Variants in DCC observed in about 807,000 individuals in gnomAD.
DCC encodes the protein netrin receptor DCC.
Under a neutral mutation model 172.5 loss-of-function variants are expected in DCC, and 58 were observed. That is an observed-to-expected ratio of 0.34 (90% CI 0.27 to 0.42). DCC has a LOEUF of 0.42. DCC is among the 10% of genes least tolerant of loss of function. DCC has a pLI of 1.00. For synonymous variants in DCC, 709 were observed against 644.5 expected (o/e 1.10, Z -1.52); for missense variants, 1,740 against 1,791.0 (o/e 0.97, Z 0.51).
chr18:52,565,693 T>C (rs12970960), intron 1 of DCC, among the ~76,000 whole-genome samples: 6 of 152,336 alleles, frequency 3.9e-5, no homozygotes, highest in Non-Finnish European at 8.8e-5. Flanking sequence ...GGGTTGTTTT[T>C]TTCTTGTAAA....
intron 2 of DCC, among the ~76,000 whole-genome samples, chr18:52,794,426 C>T (rs561341499): frequency 3.3e-5 from 5 of 151,902 alleles, no homozygotes; most frequent in East Asian, 3.9e-4. Flanking sequence ...AATGAGATCA[C>T]GTCCTTCATT....
chr18:52,427,474 C>A lies in DCC; in HGVS notation c.91+86596C>A, dbSNP rs117728843. 1.8e-3 allele frequency among the ~76,000 whole-genome samples: 281 copies of A among 152,030 alleles called. 6 individuals are homozygous for A. In the East Asian group the frequency reaches 0.045, roughly 24 times the overall value. On this transcript the variant is annotated intron_variant, in intron 1 of 28. Transcript: ENST00000442544. Reference sequence around the variant, plus strand: ...AATTCAGATTTGGATCAGTTATACCCAACAAGATGTCAGGTTTGCACAGTG... The same window carrying A: ...AATTCAGATTTGGATCAGTTATACCAAACAAGATGTCAGGTTTGCACAGTG...
At chr18:53,222,409 G>C (rs1185987630) in intron 12 of DCC, among the ~76,000 whole-genome samples, 1 of 124,878 alleles carries the variant, frequency 8.0e-6, no homozygotes, top group Non-Finnish European at 1.6e-5. Context: ...TTTTGAAATG[G>C]AGTCTTGCTC....
chr18:52,976,896 G>A (rs1217586547), intron 5 of DCC, among the ~76,000 whole-genome samples: 3 of 152,126 alleles, frequency 2.0e-5, no homozygotes, highest in Non-Finnish European at 2.9e-5. Context: ...CCTGTAAAAT[G>A]AGATATAATG....
At chr18:53,382,762 C>T (rs951943046) in intron 15 of DCC, among the ~76,000 whole-genome samples, 2 of 152,064 alleles carry the variant, frequency 1.3e-5, no homozygotes. Flanking sequence ...GGAGGGAAAG[C>T]AATTCACTGA....
chr18:52,736,673 C>G (rs1025356390), intron 1 of DCC, among the ~76,000 whole-genome samples: 2 of 152,070 alleles, frequency 1.3e-5, no homozygotes, highest in African/African-American at 4.8e-5. Flanking sequence ...AATCCTAGTA[C>G]ATATTATACA....
intron 15 of DCC, among the ~76,000 whole-genome samples, chr18:53,360,332 T>C (rs1457702187): frequency 6.6e-6 from 1 of 152,172 alleles, no homozygotes; most frequent in African/African-American, 2.4e-5. Context: ...ACATTATCAG[T>C]TAATCAGATA....
intron 21 of DCC, among the ~76,000 whole-genome samples, chr18:53,422,166 T>A (rs1405746462): frequency 6.6e-6 from 1 of 152,132 alleles, no homozygotes. Flanking sequence ...ATTCTAAGAT[T>A]CCACATCTTA....
At chr18:53,156,059 A>G (rs1245998704) in intron 7 of DCC, among the ~76,000 whole-genome samples, 1 of 152,226 alleles carries the variant, frequency 6.6e-6, no homozygotes, top group Non-Finnish European at 1.5e-5. Flanking sequence ...ATGTTATAGA[A>G]TATTGAGGTC....
chr18:53,160,136 C>G (rs2054812554), intron 8 of DCC, among the ~76,000 whole-genome samples: 1 of 151,948 alleles, frequency 6.6e-6, no homozygotes. Context: ...TTTGTCCTTT[C>G]CTCTTCTCTT....
At chr18:52,759,147 A>T (rs1251581880) in intron 2 of DCC, 1 of 152,168 alleles carries the variant, frequency 6.6e-6, no homozygotes, top group Non-Finnish European at 1.5e-5. Flanking sequence ...GCTAAATCAA[A>T]TTGAGATACA....
chr18:52,656,548 C>T (rs1368548068), intron 1 of DCC, among the ~76,000 whole-genome samples: 3 of 152,094 alleles, frequency 2.0e-5, no homozygotes, highest in Non-Finnish European at 4.4e-5. Context: ...ATTCTACTTA[C>T]ATGTTGCCCA....
At chr18:53,433,760 C>T (rs1251023950) in intron 21 of DCC, among the ~76,000 whole-genome samples, 2 of 152,150 alleles carry the variant, frequency 1.3e-5, no homozygotes, top group Admixed American at 6.6e-5. Flanking sequence ...GATTGTTCCT[C>T]TCACCACCAC....
chr18:53,227,923 TCACA>T (rs1236749640), intron 12 of DCC, among the ~76,000 whole-genome samples: 1 of 152,174 alleles, frequency 6.6e-6, no homozygotes, highest in Non-Finnish European at 1.5e-5. Context: ...TTGAAGAGAC[TCACA>T]CAAAAGGGAT....
At chr18:52,469,469 T>C (rs543789299) in intron 1 of DCC, among the ~76,000 whole-genome samples, 106 of 152,334 alleles carry the variant, frequency 7.0e-4, no homozygotes, top group African/African-American at 2.4e-3. Flanking sequence ...GAGGCATTTA[T>C]ATATATGTTT....
intron 7 of DCC, among the ~76,000 whole-genome samples, chr18:53,124,935 A>C (rs538879832): frequency 6.6e-6 from 1 of 151,676 alleles, no homozygotes; most frequent in Non-Finnish European, 1.5e-5. Flanking sequence ...TTGCCACTGC[A>C]CTCTAGCCTG....
At chr18:52,950,916 T>C (rs1217579293) in intron 5 of DCC, among the ~76,000 whole-genome samples, 4 of 100,800 alleles carry the variant, frequency 4.0e-5, no homozygotes, top group Non-Finnish European at 5.4e-5. Context: ...GGCGACAGAG[T>C]GAGACTCCGT....
chr18:53,044,860 C>T (rs1002201630), intron 5 of DCC, among the ~76,000 whole-genome samples: 5 of 151,654 alleles, frequency 3.3e-5, no homozygotes, highest in Non-Finnish European at 5.9e-5. Context: ...GGCATGTCAA[C>T]GAGTGCAAAA....
chr18:52,768,527 G>T (rs933958318), intron 2 of DCC, among the ~76,000 whole-genome samples: 1 of 152,112 alleles, frequency 6.6e-6, no homozygotes, highest in Non-Finnish European at 1.5e-5. Context: ...GCTATCCAAG[G>T]GGTATATTTT....
Sources: allele counts gnomAD v4.1 joint callset (sites outside exome capture counted in the v4.1 genomes callset), GRCh38; gene constraint gnomAD v4.1.1; transcripts MANE v1.5; gene names NCBI Gene and HGNC (gene_info 2026-07-23, HGNC 2026-07-21).